The following STAG1 variants were observed in gnomAD, a reference collection of about 807,000 sequenced individuals.
STAG1 encodes STAG1 cohesin complex component, also known as cohesin subunit SA-1.
Under a neutral mutation model 170.9 loss-of-function variants are expected in STAG1, and 26 were observed. The ratio of observed to expected loss-of-function variants is 0.15; its 90% confidence interval spans 0.11 to 0.21. STAG1 has a LOEUF of 0.21. STAG1 is among the 10% of genes least tolerant of loss of function. STAG1 has a pLI of 1.00. For synonymous variants in STAG1, 514 were observed against 497.7 expected (o/e 1.03, Z -0.44); for missense variants, 964 against 1,509.5 (o/e 0.64, Z 5.99).
chr3:136,467,567 C>G (rs1356012732), intron 12 of STAG1, among the ~76,000 whole-genome samples: 1 of 152,000 alleles, frequency 6.6e-6, no homozygotes, highest in African/African-American at 2.4e-5. Flanking sequence ...ATGGGAGACT[C>G]TGACACCCCA....
At chr3:136,371,452 A>T (rs1385962839) in intron 23 of STAG1, among the ~76,000 whole-genome samples, 2 of 152,102 alleles carry the variant, frequency 1.3e-5, no homozygotes, top group African/African-American at 2.4e-5. Flanking sequence ...CTGAATGGTA[A>T]TGCCTAGGTT....
chr3:136,477,464 C>G (rs1478005385), intron 9 of STAG1, 52 bp from the exon 10 acceptor site: 35 of 1,463,290 alleles, frequency 2.4e-5, no homozygotes, highest in Non-Finnish European at 3.1e-5. Context: ...AGCTAGAATG[C>G]ATTCATACTC....
intron 7 of STAG1, among the ~76,000 whole-genome samples, chr3:136,506,235 T>C (rs541299418): frequency 1.3e-5 from 2 of 152,302 alleles, no homozygotes; most frequent in African/African-American, 4.8e-5. Context: ...TTTGCAATAA[T>C]GAGTCTTAGG....
intron 4 of STAG1, among the ~76,000 whole-genome samples, chr3:136,589,793 T>C (rs1404494337): frequency 1.3e-5 from 2 of 151,448 alleles, no homozygotes; most frequent in African/African-American, 4.9e-5. Context: ...TAGCTGGGCG[T>C]GGTGGCACAC....
intron 21 of STAG1, among the ~76,000 whole-genome samples, chr3:136,414,901 T>C (rs2087729773): frequency 6.6e-6 from 1 of 152,130 alleles, no homozygotes; most frequent in African/African-American, 2.4e-5. Flanking sequence ...TCTCAGGGAA[T>C]AGGGAGGCCT....
At chr3:136,658,765 T>C (rs1941476077) in intron 1 of STAG1, among the ~76,000 whole-genome samples, 1 of 152,202 alleles carries the variant, frequency 6.6e-6, no homozygotes, top group African/African-American at 2.4e-5. Flanking sequence ...AAAGTAGTAG[T>C]AGGTGGAGAC....
At chr3:136,510,687 C>T (rs1934022580) in intron 7 of STAG1, among the ~76,000 whole-genome samples, 1 of 151,824 alleles carries the variant, frequency 6.6e-6, no homozygotes. Flanking sequence ...TCTCAGCTCA[C>T]TGCAACCTCC....
At chr3:136,363,526 A>G in intron 25 of STAG1, 59 bp from the exon 26 acceptor site, 1 of 675,426 alleles carries the variant, frequency 1.5e-6, no homozygotes, top group Non-Finnish European at 2.4e-6. Context: ...TGAGATAAAG[A>G]ATAGGTTGGT....
intron 1 of STAG1, among the ~76,000 whole-genome samples, chr3:136,744,510 A>C (rs889171478): frequency 2.6e-5 from 4 of 152,148 alleles, no homozygotes; most frequent in Non-Finnish European, 5.9e-5. Context: ...CCAATACTTG[A>C]CATTATCAGA....
intron 9 of STAG1, among the ~76,000 whole-genome samples, chr3:136,490,162 T>C (rs2107843385): frequency 6.6e-6 from 1 of 152,152 alleles, no homozygotes; most frequent in East Asian, 1.9e-4. Context: ...TGCTTCAGCC[T>C]CCTGAGTAGC....
intron 7 of STAG1, among the ~76,000 whole-genome samples, chr3:136,505,126 G>A (rs1473656509): frequency 6.6e-6 from 1 of 152,118 alleles, no homozygotes; most frequent in Non-Finnish European, 1.5e-5. Flanking sequence ...CACTGAAAAA[G>A]ACTTATCTCT....
intron 1 of STAG1, among the ~76,000 whole-genome samples, chr3:136,720,597 C>A (rs1274069647): frequency 6.6e-6 from 1 of 152,134 alleles, no homozygotes; most frequent in Non-Finnish European, 1.5e-5. Context: ...CAAGTCCAGC[C>A]TGGCCAACAT....
intron 4 of STAG1, among the ~76,000 whole-genome samples, chr3:136,571,241 C>G (rs1937257000): frequency 6.6e-6 from 1 of 152,134 alleles, no homozygotes; most frequent in Non-Finnish European, 1.5e-5. Flanking sequence ...TCAAAACATT[C>G]TAAGACTGGT....
intron 28 of STAG1, among the ~76,000 whole-genome samples, chr3:136,357,114 A>AT (rs1247508644): frequency 5.3e-5 from 8 of 151,638 alleles, no homozygotes; most frequent in African/African-American, 1.7e-4. Flanking sequence ...CGCCCGGCTA[A>AT]TTTTTTTGTA....
At chr3:136,466,030 T>G (rs1041934945) in intron 12 of STAG1, among the ~76,000 whole-genome samples, 1 of 151,912 alleles carries the variant, frequency 6.6e-6, no homozygotes, top group Non-Finnish European at 1.5e-5. Flanking sequence ...AGACCAAAGG[T>G]AGATAAAACC....
At chr3:136,710,163 T>C (rs1160176145) in intron 1 of STAG1, among the ~76,000 whole-genome samples, 1 of 152,176 alleles carries the variant, frequency 6.6e-6, no homozygotes, top group Admixed American at 6.5e-5. Flanking sequence ...CCTGGAAACA[T>C]GCTGGGGTTT....
intron 15 of STAG1, among the ~76,000 whole-genome samples, chr3:136,442,325 A>C (rs2088656369): frequency 6.6e-6 from 1 of 152,240 alleles, no homozygotes; most frequent in African/African-American, 2.4e-5. Flanking sequence ...CAATTCTTTA[A>C]AGTACTATTG....
chr3:136,708,684 G>A (rs1943294780), intron 1 of STAG1, among the ~76,000 whole-genome samples: 1 of 152,076 alleles, frequency 6.6e-6, no homozygotes, highest in Non-Finnish European at 1.5e-5. Context: ...ACACTAATAT[G>A]AAATAAACAG....
chr3:136,513,543 A>C (rs891380015), intron 7 of STAG1, among the ~76,000 whole-genome samples: 1 of 152,158 alleles, frequency 6.6e-6, no homozygotes, highest in Non-Finnish European at 1.5e-5. Context: ...CAAACAAAAA[A>C]ATCTGCAAAG....
Sources: gnomAD v4.1 joint callset for allele counts (sites outside exome capture counted in the v4.1 genomes callset) on GRCh38, gnomAD v4.1.1 for gene constraint, MANE v1.5 for transcripts, NCBI Gene and HGNC (gene_info 2026-07-23, HGNC 2026-07-21) for gene names.